The following PTPRN2 variants were observed in gnomAD, a reference collection of about 807,000 sequenced individuals.
The protein encoded by PTPRN2 is protein tyrosine phosphatase receptor type N2.
Under a neutral mutation model 118.8 loss-of-function variants are expected in PTPRN2, and 74 were observed. That is an observed-to-expected ratio of 0.62 (90% CI 0.52 to 0.76). The LOEUF (loss-of-function observed/expected upper bound fraction) is 0.76, where lower values mean the gene tolerates loss of function less well. Ranked by LOEUF, PTPRN2 falls within the 30% of genes least tolerant of loss-of-function variation. The pLI, the probability that PTPRN2 is intolerant of heterozygous loss-of-function variation, is 0.00. For missense variants in PTPRN2, 1,481 were observed against 1,394.4 expected (o/e 1.06, Z -0.99); for synonymous variants, 641 against 608.0 (o/e 1.05, Z -0.80).
chr7:157,822,850 C>G (rs773918425), intron 12 of PTPRN2, among the ~76,000 whole-genome samples: 6 of 151,862 alleles, frequency 4.0e-5, no homozygotes, highest in Non-Finnish European at 7.4e-5. Context: ...TCCATCCACC[C>G]ATCATCCATG....
intron 3 of PTPRN2, among the ~76,000 whole-genome samples, chr7:158,296,555 G>A (rs2151034172): frequency 6.6e-6 from 1 of 152,324 alleles, no homozygotes; most frequent in Admixed American, 6.5e-5. Context: ...GCCGCCCACA[G>A]ACGGCGAAAC....
intron 2 of PTPRN2, among the ~76,000 whole-genome samples, chr7:158,424,302 C>T (rs760809920): frequency 1.3e-5 from 2 of 152,156 alleles, no homozygotes; most frequent in Non-Finnish European, 2.9e-5. Context: ...TGAAGCAAGG[C>T]GTCGTATCGA....
rs982980598 is a variant in PTPRN2 at position 157,897,390 on chromosome 7, CA to C, written c.1788+1282del. Among the ~76,000 whole-genome samples the C allele has an allele frequency of 1.5e-4, 23 of 152,284 alleles. No homozygotes were observed. In the South Asian group the frequency reaches 3.7e-3, roughly 25 times the overall value. On this transcript the variant is annotated intron_variant, in intron 12 of 22. Coordinates refer to ENST00000389418, the MANE Select transcript of PTPRN2 (RefSeq NM_002847.5). ...GATGCAGGTGGCTCTCGGCAGCCCCCAAGACTCTTGGCTTCTTTCTCACCCT... is the reference window on the plus strand; with the variant it reads ...GATGCAGGTGGCTCTCGGCAGCCCCCAGACTCTTGGCTTCTTTCTCACCCT...
intron 3 of PTPRN2, among the ~76,000 whole-genome samples, chr7:158,274,596 C>T (rs1381718227): frequency 1.3e-5 from 2 of 152,188 alleles, no homozygotes; most frequent in Non-Finnish European, 2.9e-5. Flanking sequence ...CCGAGGCGCT[C>T]GGCCCAGCTT....
intron 4 of PTPRN2, among the ~76,000 whole-genome samples, chr7:158,199,691 C>T (rs982953923): frequency 2.0e-5 from 3 of 152,176 alleles, no homozygotes; most frequent in Non-Finnish European, 4.4e-5. Context: ...TGACATTCTT[C>T]GTTAGTGTAG....
At chr7:158,273,490 G>GCAGGCACAGGGGGAGCCT (rs1798668935) in intron 3 of PTPRN2, among the ~76,000 whole-genome samples, 1 of 70,012 alleles carries the variant, frequency 1.4e-5, no homozygotes, top group Non-Finnish European at 2.8e-5. Context: ...AGGGGGAGCC[G>GCAGGCACAGGGGGAGCCT]CAGGCACAGG....
At chr7:157,758,002 G>A (rs75226943) in intron 12 of PTPRN2, among the ~76,000 whole-genome samples, 1,629 of 152,342 alleles carry the variant, frequency 0.011, 53 homozygotes, top group South Asian at 0.083. Context: ...CAGCCCCAGG[G>A]CAAACGTGGT....
intron 2 of PTPRN2, among the ~76,000 whole-genome samples, chr7:158,484,099 G>T (rs2129445068): frequency 6.6e-6 from 1 of 152,320 alleles, no homozygotes; most frequent in East Asian, 1.9e-4. Context: ...GGCTAGGATT[G>T]CACCACTGCA....
intron 11 of PTPRN2, among the ~76,000 whole-genome samples, chr7:157,970,673 C>G (rs1439600627): frequency 7.0e-6 from 1 of 142,896 alleles, no homozygotes; most frequent in Non-Finnish European, 1.5e-5. Context: ...CAGGGCAAGA[C>G]CTAGATCCTG....
intron 11 of PTPRN2, among the ~76,000 whole-genome samples, chr7:157,982,754 CAG>C (rs1202458077): frequency 7.1e-5 from 7 of 98,166 alleles, no homozygotes; most frequent in Admixed American, 1.2e-4. Context: ...GAGGGGAATG[CAG>C]AGTGCAGGGT....
At chr7:158,336,579 C>T (rs561464373) in intron 2 of PTPRN2, among the ~76,000 whole-genome samples, 39 of 146,206 alleles carry the variant, frequency 2.7e-4, no homozygotes, top group Admixed American at 1.9e-3. Context: ...AGAGTTGACA[C>T]CTGCAGACGT....
intron 15 of PTPRN2, among the ~76,000 whole-genome samples, chr7:157,604,309 A>G (rs994487992): frequency 6.6e-6 from 1 of 152,182 alleles, no homozygotes; most frequent in Non-Finnish European, 1.5e-5. Context: ...GACTCTGCTC[A>G]CACCCTTCTG....
At chr7:158,328,509 C>T (rs565680614) in intron 2 of PTPRN2, among the ~76,000 whole-genome samples, 1 of 152,244 alleles carries the variant, frequency 6.6e-6, no homozygotes, top group African/African-American at 2.4e-5. Context: ...ACAGCCTATG[C>T]ATCTGCAGAG....
At chr7:158,572,523 G>A (rs553641381) in intron 1 of PTPRN2, among the ~76,000 whole-genome samples, 392 of 152,222 alleles carry the variant, frequency 2.6e-3, no homozygotes, top group African/African-American at 9.0e-3. Context: ...GTCCTAACTC[G>A]AGTCTCTGAG....
At chr7:158,520,091 T>A (rs1181905772) in intron 1 of PTPRN2, among the ~76,000 whole-genome samples, 1 of 152,226 alleles carries the variant, frequency 6.6e-6, no homozygotes, top group Non-Finnish European at 1.5e-5. Flanking sequence ...AACTTGTCAT[T>A]TCTTTTAACA....
In PTPRN2 at chr7:157,794,557, T is replaced by G. The variant is rs1446617588; in HGVS notation, c.1788+104116A>C. Among the ~76,000 whole-genome samples the G allele has an allele frequency of 6.6e-6, 1 of 152,234 alleles. No individual in the cohort carries two copies. Among genetic ancestry groups the G allele is most frequent in the Admixed American group, 6.5e-5 (1 of 15,286 alleles). Reference sequence around the variant, plus strand: ...TATACAATAGGACTATCACCCTCACTGTCACTCTCCGCTTTGTTTAAATGT... The same window carrying G: ...TATACAATAGGACTATCACCCTCACGGTCACTCTCCGCTTTGTTTAAATGT... On this transcript the variant is annotated intron_variant, in intron 12 of 22. Transcript: ENST00000389418. The surrounding 1 kb of genome is among the most constrained non-coding windows in gnomAD (Gnocchi z 5.2).
chr7:157,579,452 T>C (rs565938283), intron 17 of PTPRN2, among the ~76,000 whole-genome samples: 3 of 152,358 alleles, frequency 2.0e-5, no homozygotes, highest in South Asian at 4.1e-4. Context: ...AACAATTTAA[T>C]GTGCCTTCAG....
intron 21 of PTPRN2, among the ~76,000 whole-genome samples, chr7:157,566,520 G>C (rs1010038391): frequency 6.6e-6 from 1 of 152,180 alleles, no homozygotes; most frequent in Non-Finnish European, 1.5e-5. Flanking sequence ...CCTGGGACCC[G>C]GGTCAGGGAA....
chr7:157,616,265 C>T (rs1014162147), intron 15 of PTPRN2: 7 of 153,106 alleles, frequency 4.6e-5, no homozygotes, highest in African/African-American at 1.7e-4. Context: ...AGCAGCTGAA[C>T]TGTGTGGAGT....
Sources: allele counts gnomAD v4.1 joint callset (sites outside exome capture counted in the v4.1 genomes callset), GRCh38; gene constraint gnomAD v4.1.1; non-coding constraint Gnocchi (gnomAD v3.1); transcripts MANE v1.5; gene names NCBI Gene and HGNC (gene_info 2026-07-23, HGNC 2026-07-21).